Variants in PDE2A observed in about 807,000 individuals in gnomAD.
PDE2A encodes phosphodiesterase 2A.
In PDE2A, 53 loss-of-function variants were observed where a neutral mutation model predicts 133.6. The ratio of observed to expected loss-of-function variants is 0.40; its 90% CI spans 0.32 to 0.50. PDE2A has a LOEUF of 0.50. PDE2A is among the 20% of genes least tolerant of loss of function. The probability of loss-of-function intolerance (pLI) is 0.73; values close to 1 mark genes in which losing one functional copy is unlikely to be tolerated. For synonymous variants in PDE2A, 491 were observed against 490.2 expected, an observed-to-expected ratio of 1.00 and a Z score of -0.02; for missense variants, 796 against 1,232.4, an observed-to-expected ratio of 0.65 and a Z score of 5.30.
At chr11:72,634,408 G>T (rs976942362) in intron 2 of PDE2A, among the ~76,000 whole-genome samples, 1 of 152,212 alleles carries the variant, frequency 6.6e-6, no homozygotes, top group Non-Finnish European at 1.5e-5. Context: ...TGTCCCAGGG[G>T]AAGTGGGGGA....
intron 14 of PDE2A, 37 bp from the exon 15 acceptor site, chr11:72,585,630 G>A: frequency 6.2e-7 from 1 of 1,601,960 alleles, no homozygotes; most frequent in Non-Finnish European, 8.5e-7. Context: ...GGGGGGTCGG[G>A]GTGTAGGGGT....
Position 72,584,876 on chromosome 11 carries a change from T to A in PDE2A, c.1355A>T (p.Asp452Val). ...AKVFDGGVVD[D>V]ESYEIRIPAD... The stretch of plus-strand genomic sequence containing the variant: ...ACTCCCTCCACACCCTCTCACCTCA[T>A]CATCCACCACGCCCCCGTCGAACAC... The change falls in exon 17 of 31, where the codon GAT (aspartate) becomes GTT (valine). Residue 452 changes from aspartate to valine, a missense_variant. Physicochemically the swap from Asp to Val is radical, Grantham distance 152. Coordinates refer to ENST00000334456, the MANE Select transcript of PDE2A (RefSeq NM_002599.5). The A allele has an allele frequency of 6.2e-7, 1 of 1,613,896 alleles. No individual in the cohort carries two copies. The highest frequency in any genetic ancestry group is 8.5e-7 in the Non-Finnish European group (1 of 1,179,794).
intron 1 of PDE2A, among the ~76,000 whole-genome samples, chr11:72,647,040 C>G (rs1859145820): frequency 6.6e-6 from 1 of 152,174 alleles, no homozygotes; most frequent in Non-Finnish European, 1.5e-5. Context: ...AAGAGCAGGG[C>G]CTGTCTGATT....
At chr11:72,636,038 G>A in intron 2 of PDE2A, 3 of 1,274,434 alleles carry the variant, frequency 2.4e-6, no homozygotes, top group Non-Finnish European at 3.1e-6. Flanking sequence ...CCCAGTAGAG[G>A]CAACCGTGGA....
At chr11:72,658,470 C>A (rs910903488) in intron 1 of PDE2A, among the ~76,000 whole-genome samples, 20 of 152,008 alleles carry the variant, frequency 1.3e-4, no homozygotes. Flanking sequence ...CCCCACCTGC[C>A]CCCCCACACA....
In PDE2A at chr11:72,597,476, C is replaced by T. The variant is rs767893157; in HGVS notation, c.433+34G>A. 1 of 1,290,676 alleles carries T rather than the reference C, an allele frequency of 7.7e-7. No individual in the cohort carries two copies. Among genetic ancestry groups the T allele is most frequent in the South Asian group, 1.2e-5 (1 of 83,304 alleles). 80.0% of individuals were successfully genotyped at this position (1,290,676 alleles called of 1,614,324 possible). A position where few individuals can be genotyped will look rare whatever the true frequency, so the allele number is the denominator to read the frequency against. ...CAGGGGCCACAGTCCCTCCCTGCCC[C>T]TGCCCCTGCCCCTGCCCAGCCCCTA... On this transcript the variant is annotated intron_variant, in intron 5 of 30. Transcript: ENST00000334456. The surrounding 1 kb of genome is among the most constrained non-coding windows in gnomAD (Gnocchi z 4.6).
chr11:72,642,558 G>A (rs1859007838), intron 1 of PDE2A: 1 of 240,874 alleles, frequency 4.2e-6, no homozygotes, highest in Non-Finnish European at 6.5e-6. Context: ...CTCTCGGCCC[G>A]TCGGATCCTC....
chr11:72,599,910 G>A (rs1447892880), intron 4 of PDE2A, among the ~76,000 whole-genome samples: 1 of 152,226 alleles, frequency 6.6e-6, no homozygotes, highest in Non-Finnish European at 1.5e-5. Flanking sequence ...GCCCACTCAG[G>A]TGCAGGGTGT....
chr11:72,581,743 T>C, intron 22 of PDE2A, 134 bp downstream of exon 22: 1 of 899,050 alleles, frequency 1.1e-6, no homozygotes, highest in South Asian at 1.5e-5. Context: ...CATTCATGGA[T>C]CCTCCCCACC....
In PDE2A at chr11:72,644,758, A is replaced by G. The variant is rs1053067309; in HGVS notation, c.72-2432T>C. ...ATTTTATTTTATTTTATTTTATTTTATTTTATTTTATTTTTTTGAGACGGA... is the reference window on the plus strand; with the variant it reads ...ATTTTATTTTATTTTATTTTATTTTGTTTTATTTTATTTTTTTGAGACGGA... On this transcript the variant is annotated intron_variant, in intron 1 of 30. Coordinates refer to ENST00000334456, the MANE Select transcript of PDE2A (RefSeq NM_002599.5). Among the ~76,000 whole-genome samples, 3 of 82,990 alleles carry G rather than the reference A, an allele frequency of 3.6e-5. No individual in the cohort carries two copies. The East Asian group carries it at 1.0e-3, about 28-fold the overall frequency. 54.4% of individuals were successfully genotyped at this position (82,990 alleles called of 152,430 possible).
chr11:72,610,761 ACC>A (rs2135367578), intron 2 of PDE2A, among the ~76,000 whole-genome samples: 1 of 152,316 alleles, frequency 6.6e-6, no homozygotes, highest in South Asian at 2.1e-4. Flanking sequence ...CAACTTCAGC[ACC>A]ACACAGCCAC....
chr11:72,603,653 A>C (rs183955909), intron 4 of PDE2A, among the ~76,000 whole-genome samples: 2 of 152,320 alleles, frequency 1.3e-5, no homozygotes, highest in Admixed American at 1.3e-4. Context: ...TTAGAGGAGA[A>C]AGGGGGACAT....
chr11:72,582,750 G>A (rs116465828), intron 20 of PDE2A, among the ~76,000 whole-genome samples, 184 bp from the exon 21 acceptor site: 3,001 of 152,126 alleles, frequency 0.02, 109 homozygotes, highest in African/African-American at 0.069. Flanking sequence ...AGCCCACCCC[G>A]CGCGCCTCCC....
chr11:72,643,193 C>A (rs1342435016), intron 1 of PDE2A: 1 of 152,240 alleles, frequency 6.6e-6, no homozygotes, highest in African/African-American at 2.4e-5. Context: ...CCGCGACGCT[C>A]CTGCGCCCCC....
chr11:72,664,932 G>A (rs1306795654), intron 1 of PDE2A, among the ~76,000 whole-genome samples: 3 of 151,780 alleles, frequency 2.0e-5, no homozygotes, highest in East Asian at 2.0e-4. Context: ...TCAGCCCCCC[G>A]AGTAGCTGGG....
At chr11:72,664,133 G>A (rs1235163180) in intron 1 of PDE2A, among the ~76,000 whole-genome samples, 1 of 152,116 alleles carries the variant, frequency 6.6e-6, no homozygotes, top group African/African-American at 2.4e-5. Flanking sequence ...CTCCTGCAGG[G>A]CAGCCCCATC....
Position 72,578,642 on chromosome 11 carries a change from C to T in PDE2A, c.2470-128G>A. On this transcript the variant is annotated intron_variant, in intron 28 of 30. Coordinates refer to ENST00000334456, the MANE Select transcript of PDE2A (RefSeq NM_002599.5). This position sits in a 1 kb window ranked among gnomAD's most constrained non-coding sequence, Gnocchi z 4.2. Reference sequence around the variant, plus strand: ...AGTCCCAGCTCAGGAGCCGTCCCCACCAGCCCCAGCTTGGCAGTGGGATGG... The same window carrying T: ...AGTCCCAGCTCAGGAGCCGTCCCCATCAGCCCCAGCTTGGCAGTGGGATGG... The T allele has an allele frequency of 2.8e-5, 24 of 846,296 alleles. No homozygotes were observed. The South Asian group carries it at 3.6e-4, about 13-fold the overall frequency. 52.4% of individuals were successfully genotyped at this position (846,296 alleles called of 1,614,324 possible).
chr11:72,610,096 G>C (rs1374860283), intron 2 of PDE2A, among the ~76,000 whole-genome samples: 1 of 152,140 alleles, frequency 6.6e-6, no homozygotes, highest in East Asian at 1.9e-4. Flanking sequence ...TGGAAACCAA[G>C]TTTTGCATGT....
chr11:72,619,074 A>G (rs1323681882), intron 2 of PDE2A, among the ~76,000 whole-genome samples: 1 of 152,148 alleles, frequency 6.6e-6, no homozygotes, highest in Non-Finnish European at 1.5e-5. Flanking sequence ...ACACACACGC[A>G]CACACTGGGC....
Sources: allele counts gnomAD v4.1 joint callset (sites outside exome capture counted in the v4.1 genomes callset), GRCh38; gene constraint gnomAD v4.1.1; non-coding constraint Gnocchi (gnomAD v3.1); transcripts MANE v1.5; gene names NCBI Gene and HGNC (gene_info 2026-07-23, HGNC 2026-07-21).